The following ERC2 variants were observed in gnomAD, a reference collection of about 807,000 sequenced individuals.
ERC2 encodes ERC protein 2.
A neutral mutation model predicts 114.8 loss-of-function variants in ERC2; 42 were observed. The ratio of observed to expected loss-of-function variants is 0.37; its 90% CI spans 0.29 to 0.47. The LOEUF (loss-of-function observed/expected upper bound fraction) is 0.47. Among genes scored for constraint, ERC2 ranks in the 20% least tolerant of loss-of-function variants. The pLI is 0.99. For missense variants in ERC2, 939 were observed against 1,150.7 expected, an observed-to-expected ratio of 0.82 and a Z score of 2.66; for synonymous variants, 454 against 425.5, an observed-to-expected ratio of 1.07 and a Z score of -0.82.
intron 2 of ERC2, among the ~76,000 whole-genome samples, chr3:56,356,058 C>G (rs191330324): frequency 2.3e-3 from 346 of 152,324 alleles, no homozygotes; most frequent in African/African-American, 7.7e-3. Flanking sequence ...CCATTAGCTC[C>G]TGCTGTGTCC....
At chr3:56,052,867 T>C (rs1415414480) in intron 7 of ERC2, among the ~76,000 whole-genome samples, 1 of 152,178 alleles carries the variant, frequency 6.6e-6, no homozygotes, top group Admixed American at 6.5e-5. Context: ...ATAGTGGAGT[T>C]GAAGTGTCTT....
rs180843742 is a variant in ERC2, at chr3:55,985,028, C to T, written c.2267+949G>A. ...CAGAGAAGAAAATAATTATCGCTTGCCTCTCAATAGAGCAACTATACTGAC... is the reference window on the plus strand; with the variant it reads ...CAGAGAAGAAAATAATTATCGCTTGTCTCTCAATAGAGCAACTATACTGAC... On this transcript the variant is annotated intron_variant, in intron 12 of 17. Coordinates refer to ENST00000288221, the MANE Select transcript of ERC2 (RefSeq NM_015576.3). 5.6e-3 allele frequency among the ~76,000 whole-genome samples: 857 copies of T among 152,298 alleles called. 3 individuals carry two copies. Among genetic ancestry groups the T allele is most frequent in the Middle Eastern group, 0.01 (3 of 294 alleles).
chr3:55,579,470 A>G (rs1227524137), intron 17 of ERC2, among the ~76,000 whole-genome samples: 1 of 152,244 alleles, frequency 6.6e-6, no homozygotes, highest in Admixed American at 6.5e-5. Flanking sequence ...ATCAAAATCC[A>G]CATAATAACA....
At chr3:55,895,975 C>T (rs2063824966) in intron 13 of ERC2, among the ~76,000 whole-genome samples, 3 of 152,136 alleles carry the variant, frequency 2.0e-5, no homozygotes, top group South Asian at 2.1e-4. Context: ...CCCCAGCAGC[C>T]GCCTGGAGAA....
At chr3:56,036,850 G>A (rs376581140) in intron 7 of ERC2, among the ~76,000 whole-genome samples, 62 of 152,270 alleles carry the variant, frequency 4.1e-4, no homozygotes, top group African/African-American at 1.3e-3. Context: ...CAGCCACTCC[G>A]GTTGAAGCCA....
At chr3:56,391,798 C>T (rs888848142) in intron 2 of ERC2, among the ~76,000 whole-genome samples, 1 of 152,014 alleles carries the variant, frequency 6.6e-6, no homozygotes, top group Admixed American at 6.6e-5. Flanking sequence ...GAAAAATGTG[C>T]CTGTAATCAG....
intron 7 of ERC2, among the ~76,000 whole-genome samples, chr3:56,046,705 A>G (rs1437245362): frequency 3.3e-5 from 5 of 152,210 alleles, no homozygotes; most frequent in South Asian, 2.1e-4. Flanking sequence ...CTGGCAAAAG[A>G]ACTTCATGGA....
intron 12 of ERC2, among the ~76,000 whole-genome samples, chr3:55,962,242 A>G (rs567841088): frequency 2.6e-5 from 4 of 152,334 alleles, no homozygotes. Context: ...GTTCTCATTT[A>G]TGCTGCTGAG....
At chr3:55,724,835 C>T (rs1474631403) in intron 15 of ERC2, among the ~76,000 whole-genome samples, 1 of 152,216 alleles carries the variant, frequency 6.6e-6, no homozygotes, top group Admixed American at 6.5e-5. Context: ...TGGTGGCCAA[C>T]ATCTTGGGAA....
intron 6 of ERC2, among the ~76,000 whole-genome samples, chr3:56,099,686 G>A (rs1003818522): frequency 5.3e-5 from 8 of 152,218 alleles, no homozygotes; most frequent in Admixed American, 5.2e-4. Context: ...ACCATAGTTG[G>A]TGAGCTTGGA....
At chr3:56,058,157 C>T (rs909299011) in intron 7 of ERC2, among the ~76,000 whole-genome samples, 3 of 152,190 alleles carry the variant, frequency 2.0e-5, no homozygotes, top group Non-Finnish European at 4.4e-5. Flanking sequence ...TCCAAACATA[C>T]TCACAAGTTG....
intron 17 of ERC2, among the ~76,000 whole-genome samples, chr3:55,644,406 A>T (rs1388467012): frequency 6.6e-6 from 1 of 152,184 alleles, no homozygotes; most frequent in Non-Finnish European, 1.5e-5. Flanking sequence ...AGTTGACCTG[A>T]TGTCATAGAA....
At chr3:56,214,309 G>A (rs1560390033) in intron 3 of ERC2, among the ~76,000 whole-genome samples, 1 of 151,600 alleles carries the variant, frequency 6.6e-6, no homozygotes, top group South Asian at 2.1e-4. Context: ...GGACCTGATG[G>A]AGCTGAAAAC....
At chr3:56,290,142 C>A (rs1288907732) in intron 3 of ERC2, among the ~76,000 whole-genome samples, 1 of 152,194 alleles carries the variant, frequency 6.6e-6, no homozygotes, top group Non-Finnish European at 1.5e-5. Context: ...TGAAAGAAGA[C>A]TGCCAGTTAA....
chr3:56,413,773 T>C (rs2061034706), intron 2 of ERC2, among the ~76,000 whole-genome samples: 1 of 152,216 alleles, frequency 6.6e-6, no homozygotes, highest in South Asian at 2.1e-4. Context: ...CTGAATGATA[T>C]TGCAGGTTTG....
At chr3:56,110,385 T>G (rs1293333706) in intron 6 of ERC2, among the ~76,000 whole-genome samples, 2 of 152,112 alleles carry the variant, frequency 1.3e-5, no homozygotes, top group East Asian at 1.9e-4. Flanking sequence ...TAGAAATAGC[T>G]GCAATGAACA....
chr3:56,320,108 C>A (rs576775904), intron 2 of ERC2, among the ~76,000 whole-genome samples: 1 of 152,084 alleles, frequency 6.6e-6, no homozygotes, highest in Admixed American at 6.5e-5. Flanking sequence ...GGGAATACAA[C>A]GGGGAGGCTT....
intron 13 of ERC2, among the ~76,000 whole-genome samples, chr3:55,921,242 T>C (rs2149383890): frequency 6.6e-6 from 1 of 152,166 alleles, no homozygotes; most frequent in East Asian, 1.9e-4. Flanking sequence ...CTCTGGTAAA[T>C]AAAAATATAT....
intron 2 of ERC2, among the ~76,000 whole-genome samples, chr3:56,349,427 T>C (rs2058465324): frequency 1.3e-5 from 2 of 152,216 alleles, no homozygotes; most frequent in Non-Finnish European, 2.9e-5. Flanking sequence ...GGCTCTATAA[T>C]TACCAGATGT....
Sources: gnomAD v4.1 joint callset for allele counts (sites outside exome capture counted in the v4.1 genomes callset) on GRCh38, gnomAD v4.1.1 for gene constraint, MANE v1.5 for transcripts, NCBI Gene and HGNC (gene_info 2026-07-23, HGNC 2026-07-21) for gene names.